Variants in ADAMTSL3 observed in about 807,000 individuals in gnomAD.
The protein encoded by ADAMTSL3 is ADAMTS-like protein 3.
In ADAMTSL3, 128 loss-of-function variants were observed where a neutral mutation model predicts 201.7. The observed-to-expected ratio is 0.63, with a 90% confidence interval of 0.55 to 0.73. The LOEUF is 0.73. ADAMTSL3 is among the 30% of genes least tolerant of loss of function. The pLI is 0.00. For missense variants in ADAMTSL3, 1,990 were observed against 2,119.6 expected, an observed-to-expected ratio of 0.94 and a Z score of 1.20; for synonymous variants, 738 against 748.4, an observed-to-expected ratio of 0.99 and a Z score of 0.23.
chr15:83,696,004 A>C (rs1331292431), intron 2 of ADAMTSL3, among the ~76,000 whole-genome samples: 1 of 152,166 alleles, frequency 6.6e-6, no homozygotes. Context: ...TGGAAGCTAC[A>C]AACTGTAAAG....
At chr15:83,774,295 A>G (rs1596182896) in intron 4 of ADAMTSL3, among the ~76,000 whole-genome samples, 2 of 152,238 alleles carry the variant, frequency 1.3e-5, no homozygotes, top group Admixed American at 1.3e-4. Context: ...TTCCAAGATT[A>G]TGTCAGTCAT....
rs1168409365 is a variant in ADAMTSL3 at position 84,016,372 on chromosome 15, T to C, written c.4157-11T>C. On this transcript the variant is annotated splice_polypyrimidine_tract_variant and intron_variant, in intron 24 of 29. Transcript: ENST00000286744. The stretch of plus-strand genomic sequence containing the variant: ...CTAACTGGTAAAAGTGCTACTTTTT[T>C]TTTTCCTCAGAACGAAGATGGCCAG... 3 of 1,609,752 alleles carry C rather than the reference T, an allele frequency of 1.9e-6. No homozygotes were observed. Among genetic ancestry groups the C allele is most frequent in the African/African-American group, 1.3e-5 (1 of 74,862 alleles).
Position 83,897,947 on chromosome 15 carries a change from A to G in ADAMTSL3, c.1557A>G (p.Gln519=). 1 of 1,613,940 alleles carries G rather than the reference A, an allele frequency of 6.2e-7. No individual in the cohort carries two copies. Among genetic ancestry groups the G allele is most frequent in the South Asian group, 1.1e-5 (1 of 91,054 alleles). The change falls in exon 14 of 30, where the codon CAA becomes CAG. Residue 519 remains glutamine (Q), a synonymous_variant. Transcript: ENST00000286744. ...AGCATGTTGGGGGCTGCAATCCACA[A>G]CTGAAGTTACACATCAAAGAAGAAT... is the stretch of plus-strand genomic sequence containing the variant. ...RGEHVGGCNP[Q]LKLHIKEECV...
chr15:83,861,340 CTCAAG>C (rs1343139124), intron 8 of ADAMTSL3: 2 of 152,838 alleles, frequency 1.3e-5, no homozygotes, highest in Non-Finnish European at 2.9e-5. Context: ...AGACTGCCTC[CTCAAG>C]TGGGTCCCTG....
chr15:84,028,076 C>T (rs768338452), intron 27 of ADAMTSL3, among the ~76,000 whole-genome samples: 13 of 151,950 alleles, frequency 8.6e-5, no homozygotes, highest in East Asian at 3.9e-4. Flanking sequence ...TAATGGTTGC[C>T]GAGGCTTGGG....
At chr15:83,918,147 T>G (rs2066072985) in intron 16 of ADAMTSL3, among the ~76,000 whole-genome samples, 1 of 152,244 alleles carries the variant, frequency 6.6e-6, no homozygotes. Context: ...GTTTCACATT[T>G]TATTGGCTTG....
chr15:83,780,301 T>G (rs2063146593), intron 4 of ADAMTSL3, among the ~76,000 whole-genome samples: 1 of 151,616 alleles, frequency 6.6e-6, no homozygotes, highest in Admixed American at 6.6e-5. Flanking sequence ...TGCCAGCTAC[T>G]TGGGAGGCTG....
rs577074172 is a variant in ADAMTSL3, at chr15:83,739,924, T to C, written c.190-33599T>C. On this transcript the variant is annotated intron_variant, in intron 3 of 29. Coordinates refer to ENST00000286744, the MANE Select transcript of ADAMTSL3 (RefSeq NM_207517.3). ...CAAGACCAGTGGGAGAGAAGACGCATCCTTCAACACCTTCTTCAGTGAGAT... is the reference window on the plus strand; with the variant it reads ...CAAGACCAGTGGGAGAGAAGACGCACCCTTCAACACCTTCTTCAGTGAGAT... The C allele has an allele frequency of 1.1e-4, 64 of 573,024 alleles. 1 individual carries two copies. Among genetic ancestry groups the C allele is most frequent in the South Asian group, 3.9e-4 (28 of 71,272 alleles). The allele number at this position is 573,024 out of a possible 1,614,324, so 35.5% of individuals were successfully genotyped here.
intron 6 of ADAMTSL3, among the ~76,000 whole-genome samples, chr15:83,836,934 G>A (rs1431781305): frequency 6.6e-6 from 1 of 152,020 alleles, no homozygotes; most frequent in Non-Finnish European, 1.5e-5. Flanking sequence ...TGGGAAGGAA[G>A]GAAGAGATAA....
chr15:84,032,578 C>A (rs974191086), intron 28 of ADAMTSL3, among the ~76,000 whole-genome samples: 14 of 152,326 alleles, frequency 9.2e-5, no homozygotes, highest in African/African-American at 3.4e-4. Flanking sequence ...AGCACAAATA[C>A]ATACATGGGT....
chr15:83,658,309 A>G (rs1249559305), intron 2 of ADAMTSL3, among the ~76,000 whole-genome samples: 1 of 152,154 alleles, frequency 6.6e-6, no homozygotes, highest in Non-Finnish European at 1.5e-5. Flanking sequence ...AGGTTTTGCC[A>G]TGTTGGCCAG....
intron 16 of ADAMTSL3, among the ~76,000 whole-genome samples, chr15:83,923,083 A>G (rs2066177833): frequency 6.6e-6 from 1 of 152,068 alleles, no homozygotes; most frequent in African/African-American, 2.4e-5. Flanking sequence ...TGCTTGTGAA[A>G]TTTCATATTT....
intron 13 of ADAMTSL3, among the ~76,000 whole-genome samples, chr15:83,896,824 C>T (rs747914686): frequency 1.3e-5 from 2 of 152,134 alleles, no homozygotes; most frequent in Non-Finnish European, 2.9e-5. Flanking sequence ...GTTTAATTGA[C>T]TCACAGTTCC....
At chr15:83,711,407 A>G (rs1404986037) in intron 3 of ADAMTSL3, among the ~76,000 whole-genome samples, 1 of 152,208 alleles carries the variant, frequency 6.6e-6, no homozygotes, top group Non-Finnish European at 1.5e-5. Flanking sequence ...TTCTTCACTG[A>G]CCAAAATGAG....
chr15:83,828,995 G>T (rs1399339346), intron 6 of ADAMTSL3, among the ~76,000 whole-genome samples: 2 of 152,070 alleles, frequency 1.3e-5, no homozygotes, highest in Admixed American at 6.5e-5. Flanking sequence ...CTCTTTTTTG[G>T]TTGTGTCTCT....
At chr15:84,032,109 C>A (rs979705130) in intron 28 of ADAMTSL3, among the ~76,000 whole-genome samples, 10 of 152,170 alleles carry the variant, frequency 6.6e-5, no homozygotes, top group African/African-American at 1.9e-4. Flanking sequence ...TCTATTATAT[C>A]ACTCACTTAC....
intron 3 of ADAMTSL3, among the ~76,000 whole-genome samples, chr15:83,711,590 A>G (rs1307169856): frequency 6.6e-6 from 1 of 152,264 alleles, no homozygotes; most frequent in East Asian, 1.9e-4. Flanking sequence ...CGATCTAACA[A>G]GAAAGCAAGC....
rs910604642 is a variant in ADAMTSL3, at chr15:84,039,727, C to A, written c.*1921C>A. 1.3e-5 allele frequency: 2 copies of A among 152,464 alleles called. No individual in the cohort carries two copies. Among genetic ancestry groups the A allele is most frequent in the Non-Finnish European group, 2.9e-5 (2 of 68,008 alleles). 9.4% of individuals were successfully genotyped at this position (152,464 alleles called of 1,614,324 possible). ...CATTGTTGTCATTCAATTGACATTCCTGTGTACTGTATTTTACTACTGTTT... is the reference window on the plus strand; with the variant it reads ...CATTGTTGTCATTCAATTGACATTCATGTGTACTGTATTTTACTACTGTTT... On this transcript the variant is annotated 3_prime_UTR_variant, in exon 30 of 30. Coordinates refer to ENST00000286744, the MANE Select transcript of ADAMTSL3 (RefSeq NM_207517.3).
chr15:83,734,334 A>G (rs1228542691), intron 3 of ADAMTSL3, among the ~76,000 whole-genome samples: 2 of 152,194 alleles, frequency 1.3e-5, no homozygotes, highest in Non-Finnish European at 2.9e-5. Context: ...CTGGATTTGT[A>G]GACATTATTT....
Sources: gnomAD v4.1 joint callset for allele counts (sites outside exome capture counted in the v4.1 genomes callset) on GRCh38, gnomAD v4.1.1 for gene constraint, MANE v1.5 for transcripts, NCBI Gene and HGNC (gene_info 2026-07-23, HGNC 2026-07-21) for gene names.